Variants in GRM7 observed in about 807,000 individuals in gnomAD.
The protein encoded by GRM7 is metabotropic glutamate receptor 7.
In GRM7, 35 loss-of-function variants were observed where a neutral mutation model predicts 84.5. The observed-to-expected ratio is 0.41, with a 90% CI of 0.32 to 0.55. The LOEUF (loss-of-function observed/expected upper bound fraction) is 0.55, where lower values mean the gene tolerates loss of function less well. GRM7 is among the 20% of genes least tolerant of loss of function. The pLI is 0.19. For synonymous variants in GRM7, 487 were observed against 455.1 expected (o/e 1.07, Z -0.89); for missense variants, 1,003 against 1,194.6 (o/e 0.84, Z 2.36).
chr3:6,972,159 A>G (rs1269063203), intron 1 of GRM7, among the ~76,000 whole-genome samples: 1 of 152,188 alleles, frequency 6.6e-6, no homozygotes, highest in Non-Finnish European at 1.5e-5. Context: ...TCTGAGAGAT[A>G]TATGAGTTGT....
At chr3:7,227,251 C>A (rs1329119801) in intron 2 of GRM7, among the ~76,000 whole-genome samples, 1 of 152,076 alleles carries the variant, frequency 6.6e-6, no homozygotes, top group Non-Finnish European at 1.5e-5. Context: ...GAATCAATGG[C>A]AAATTGCAAG....
At chr3:7,719,039 A>G (rs534045507) in intron 9 of GRM7, among the ~76,000 whole-genome samples, 10 of 152,288 alleles carry the variant, frequency 6.6e-5, no homozygotes, top group African/African-American at 2.2e-4. Flanking sequence ...CATTCTCCCA[A>G]TGAGATGGGT....
At chr3:7,384,711 A>C (rs1177154235) in intron 4 of GRM7, among the ~76,000 whole-genome samples, 1 of 152,180 alleles carries the variant, frequency 6.6e-6, no homozygotes, top group Non-Finnish European at 1.5e-5. Context: ...GTTGTTCAAC[A>C]GCCACACGGG....
At chr3:7,056,875 CTT>C (rs1330733102) in intron 1 of GRM7, among the ~76,000 whole-genome samples, 1 of 151,868 alleles carries the variant, frequency 6.6e-6, no homozygotes, top group African/African-American at 2.4e-5. Context: ...AATATTATAA[CTT>C]AGTGCTTGAT....
intron 7 of GRM7, among the ~76,000 whole-genome samples, chr3:7,527,834 CT>C (rs1169081382): frequency 6.6e-6 from 1 of 151,860 alleles, no homozygotes; most frequent in African/African-American, 2.4e-5. Context: ...CATTTATTGA[CT>C]TGTGTATGTT....
intron 1 of GRM7, among the ~76,000 whole-genome samples, chr3:7,093,671 T>A (rs1698747681): frequency 1.2e-5 from 1 of 83,264 alleles, no homozygotes; most frequent in African/African-American, 5.5e-5. Context: ...AGCAAGACTC[T>A]GTCTCAAAAA....
At chr3:7,499,279 C>G (rs1699806188) in intron 7 of GRM7, among the ~76,000 whole-genome samples, 1 of 152,178 alleles carries the variant, frequency 6.6e-6, no homozygotes, top group Non-Finnish European at 1.5e-5. Flanking sequence ...CCTTTCCTAA[C>G]CTAGCCTTGG....
chr3:6,907,937 T>C (rs1203320140), intron 1 of GRM7, among the ~76,000 whole-genome samples: 2 of 152,180 alleles, frequency 1.3e-5, no homozygotes, highest in Non-Finnish European at 2.9e-5. Flanking sequence ...TTATTCTTAA[T>C]GTATTGATCT....
At chr3:7,342,122 G>A (rs540006849) in intron 4 of GRM7, among the ~76,000 whole-genome samples, 1 of 152,056 alleles carries the variant, frequency 6.6e-6, no homozygotes, top group Non-Finnish European at 1.5e-5. Context: ...TCCCTGCTAG[G>A]TCTGTGCCTC....
intron 1 of GRM7, among the ~76,000 whole-genome samples, chr3:7,120,488 A>T (rs1693181049): frequency 6.6e-6 from 1 of 152,176 alleles, no homozygotes; most frequent in African/African-American, 2.4e-5. Context: ...AGGTAGCTAC[A>T]AAAACATTTT....
intron 2 of GRM7, among the ~76,000 whole-genome samples, chr3:7,161,086 G>A (rs191823634): frequency 1.6e-4 from 24 of 152,090 alleles, no homozygotes; most frequent in African/African-American, 4.6e-4. Context: ...CTACTCTCAG[G>A]TTCTGTCTTC....
chr3:6,873,140 C>T (rs950423905), intron 1 of GRM7, among the ~76,000 whole-genome samples: 8 of 152,094 alleles, frequency 5.3e-5, no homozygotes, highest in Admixed American at 1.3e-4. Flanking sequence ...GGCGCGATCT[C>T]GGCTCACTGC....
intron 4 of GRM7, among the ~76,000 whole-genome samples, chr3:7,379,239 A>AT (rs894262892): frequency 2.6e-5 from 4 of 151,862 alleles, no homozygotes; most frequent in East Asian, 1.9e-4. Context: ...TGCCAAGCTA[A>AT]TTTTTTTTGT....
chr3:6,987,141 C>CT (rs1317020799), intron 1 of GRM7, among the ~76,000 whole-genome samples: 1 of 152,106 alleles, frequency 6.6e-6, no homozygotes, highest in African/African-American at 2.4e-5. Context: ...TGCCTTTTCT[C>CT]TTTTTTCTTC....
intron 1 of GRM7, among the ~76,000 whole-genome samples, chr3:6,957,396 G>A (rs559845349): frequency 2.0e-5 from 3 of 152,278 alleles, no homozygotes; most frequent in South Asian, 2.1e-4. Context: ...ATTCCAGAAC[G>A]AGTGTTCCCT....
intron 8 of GRM7, among the ~76,000 whole-genome samples, chr3:7,648,241 A>G (rs1234284276): frequency 1.5e-5 from 2 of 132,686 alleles, no homozygotes; most frequent in African/African-American, 3.3e-5. Context: ...AATTAGTGCT[A>G]TAAATAGTTT....
At chr3:7,322,431 A>G (rs1020135730) in intron 4 of GRM7, among the ~76,000 whole-genome samples, 11 of 151,680 alleles carry the variant, frequency 7.3e-5, no homozygotes, top group African/African-American at 2.4e-4. Flanking sequence ...TTTGGGGAAC[A>G]GGTTTTTTTT....
At chr3:6,998,134 A>AAAAAAAAAAAAAAAAAAAAAAAC (rs1694887682) in intron 1 of GRM7, among the ~76,000 whole-genome samples, 2 of 146,910 alleles carry the variant, frequency 1.4e-5, no homozygotes, top group Non-Finnish European at 3.0e-5. Context: ...AAAAAAAAAA[A>AAAAAAAAAAAAAAAAAAAAAAAC]AAAAAGCAGG....
At chr3:7,443,426 T>C (rs1697374642) in intron 5 of GRM7, among the ~76,000 whole-genome samples, 1 of 151,646 alleles carries the variant, frequency 6.6e-6, no homozygotes. Context: ...TTTATAAAAT[T>C]TTTTTTTTCA....
Sources: allele counts gnomAD v4.1 joint callset (sites outside exome capture counted in the v4.1 genomes callset), GRCh38; gene constraint gnomAD v4.1.1; transcripts MANE v1.5; gene names NCBI Gene and HGNC (gene_info 2026-07-23, HGNC 2026-07-21).